Variants in HPSE2 observed in about 807,000 individuals in gnomAD.
HPSE2 encodes inactive heparanase-2.
A neutral mutation model predicts 60.5 loss-of-function variants in HPSE2; 38 were observed. The ratio of observed to expected loss-of-function variants is 0.63; its 90% CI spans 0.48 to 0.82. The LOEUF (loss-of-function observed/expected upper bound fraction) is 0.82. HPSE2 is among the 40% of genes least tolerant of loss of function. The pLI is 0.00. For synonymous variants in HPSE2, 295 were observed against 293.2 expected, an observed-to-expected ratio of 1.01 and a Z score of -0.06; for missense variants, 713 against 740.4, an observed-to-expected ratio of 0.96 and a Z score of 0.43.
intron 11 of HPSE2, among the ~76,000 whole-genome samples, chr10:98,466,423 T>TC (rs1200122115): frequency 6.6e-6 from 1 of 151,812 alleles, no homozygotes; most frequent in Non-Finnish European, 1.5e-5. Context: ...ACCAGCCTGG[T>TC]CAACATGGTG....
chr10:99,210,090 C>G (rs1848905524), intron 2 of HPSE2, among the ~76,000 whole-genome samples: 1 of 152,096 alleles, frequency 6.6e-6, no homozygotes. Context: ...AAACAGGAGG[C>G]ATTACAACTT....
At chr10:99,078,355 T>G (rs974786713) in intron 3 of HPSE2, among the ~76,000 whole-genome samples, 4 of 152,156 alleles carry the variant, frequency 2.6e-5, no homozygotes, top group Admixed American at 6.5e-5. Flanking sequence ...CCATGGATGC[T>G]CAAGTCTCTA....
In HPSE2 at chr10:99,174,500, C is replaced by G. The variant is rs563040860; in HGVS notation, c.449-30101G>C. ...TATGGTGATGACCATTATTCTGTGC[C>G]CTATCCTGCAAAGTTAATAAAGGTA... is the stretch of plus-strand genomic sequence containing the variant. On this transcript the variant is annotated intron_variant, in intron 2 of 11. Coordinates refer to ENST00000370552, the MANE Select transcript of HPSE2 (RefSeq NM_021828.5). 6.6e-5 allele frequency among the ~76,000 whole-genome samples: 10 copies of G among 152,212 alleles called. No individual in the cohort carries two copies. The South Asian group carries it at 2.1e-3, about 32-fold the overall frequency.
intron 3 of HPSE2, among the ~76,000 whole-genome samples, chr10:98,800,940 C>T (rs1028490981): frequency 6.6e-6 from 1 of 152,092 alleles, no homozygotes; most frequent in African/African-American, 2.4e-5. Context: ...AACTACAGGC[C>T]AATATCTCTG....
At chr10:98,718,368 T>C (rs1483285807) in intron 5 of HPSE2, among the ~76,000 whole-genome samples, 1 of 152,172 alleles carries the variant, frequency 6.6e-6, no homozygotes, top group Non-Finnish European at 1.5e-5. Context: ...ATATCCTAAC[T>C]GGAAAGACAG....
At chr10:98,924,891 G>GA (rs1371019552) in intron 3 of HPSE2, among the ~76,000 whole-genome samples, 1 of 152,174 alleles carries the variant, frequency 6.6e-6, no homozygotes, top group Non-Finnish European at 1.5e-5. Context: ...CTCAAGTTTG[G>GA]ACCACTGGGA....
intron 9 of HPSE2, among the ~76,000 whole-genome samples, chr10:98,593,126 G>C (rs1295364738): frequency 6.6e-6 from 1 of 152,066 alleles, no homozygotes; most frequent in Admixed American, 6.6e-5. Context: ...CCTTCAATTT[G>C]CTCATTGTTT....
At chr10:99,013,520 G>A in intron 3 of HPSE2, 1 of 322,482 alleles carries the variant, frequency 3.1e-6, no homozygotes. Context: ...CACCCAGGCT[G>A]GAGTGTACTG....
intron 3 of HPSE2, among the ~76,000 whole-genome samples, chr10:98,906,011 T>C (rs2134999496): frequency 6.6e-6 from 1 of 152,258 alleles, no homozygotes; most frequent in Non-Finnish European, 1.5e-5. Flanking sequence ...TGTCCTTAGC[T>C]GAAAAGAGTC....
At chr10:99,120,614 C>T (rs1253914647) in intron 3 of HPSE2, among the ~76,000 whole-genome samples, 1 of 152,116 alleles carries the variant, frequency 6.6e-6, no homozygotes, top group African/African-American at 2.4e-5. Flanking sequence ...GCTGGGATTA[C>T]AGGCATGTGC....
At chr10:99,167,253 C>T (rs1172385743) in intron 2 of HPSE2, among the ~76,000 whole-genome samples, 1 of 152,104 alleles carries the variant, frequency 6.6e-6, no homozygotes, top group Non-Finnish European at 1.5e-5. Context: ...TCAAGTAATC[C>T]ACCCACCTGC....
At chr10:98,773,583 A>G (rs1950283674) in intron 3 of HPSE2, among the ~76,000 whole-genome samples, 4 of 152,230 alleles carry the variant, frequency 2.6e-5, no homozygotes, top group Admixed American at 1.3e-4. Context: ...TTAAAAACGT[A>G]TATATGCTTT....
intron 3 of HPSE2, among the ~76,000 whole-genome samples, chr10:98,795,394 T>C (rs546488877): frequency 6.6e-6 from 1 of 152,240 alleles, no homozygotes; most frequent in South Asian, 2.1e-4. Context: ...ATGGGGGACT[T>C]TACATTGAAC....
At chr10:98,552,711 G>A (rs1210570721) in intron 9 of HPSE2, among the ~76,000 whole-genome samples, 1 of 152,116 alleles carries the variant, frequency 6.6e-6, no homozygotes, top group African/African-American at 2.4e-5. Context: ...ACATGTCATT[G>A]TTTAATTATC....
Position 99,184,815 on chromosome 10 carries a change from TATATAGAGAG to T in HPSE2, c.449-40426_449-40417del, listed in dbSNP as rs1405486964. Among the ~76,000 whole-genome samples the T allele has an allele frequency of 8.6e-3, 246 of 28,548 alleles. 1 individual carries two copies. The highest frequency in any genetic ancestry group is 0.021 in the African/African-American group (232 of 10,792). 18.7% of individuals were successfully genotyped at this position (28,548 alleles called of 152,430 possible). ...ATATATATATATATATATATATATA[TATATAGAGAG>T]AGAGAGAGAGAGAGAGAGAGAGAGA... is the stretch of plus-strand genomic sequence containing the variant. On this transcript the variant is annotated intron_variant, in intron 2 of 11. Coordinates refer to ENST00000370552, the MANE Select transcript of HPSE2 (RefSeq NM_021828.5).
intron 3 of HPSE2, among the ~76,000 whole-genome samples, chr10:98,771,370 A>C (rs1452551385): frequency 6.6e-6 from 1 of 152,154 alleles, no homozygotes; most frequent in Non-Finnish European, 1.5e-5. Context: ...ATTGGAGCTG[A>C]AGACCTCCCT....
intron 5 of HPSE2, among the ~76,000 whole-genome samples, chr10:98,718,598 AT>A (rs1948846916): frequency 6.6e-6 from 1 of 152,206 alleles, no homozygotes; most frequent in Admixed American, 6.6e-5. Flanking sequence ...ATGGAATACT[AT>A]TCAGCCATAA....
intron 3 of HPSE2, among the ~76,000 whole-genome samples, chr10:98,960,714 T>TA (rs1564692585): frequency 1.9e-5 from 1 of 53,212 alleles, no homozygotes; most frequent in African/African-American, 9.0e-5. Flanking sequence ...TTTTTTTTTT[T>TA]TTTTTTGTTT....
intron 2 of HPSE2, among the ~76,000 whole-genome samples, chr10:99,201,145 T>C (rs1045850390): frequency 1.9e-5 from 2 of 107,820 alleles, no homozygotes; most frequent in Non-Finnish European, 4.6e-5. Context: ...TTGATCCCAG[T>C]ACATTTTCCA....
Sources: gnomAD v4.1 joint callset for allele counts (sites outside exome capture counted in the v4.1 genomes callset) on GRCh38, gnomAD v4.1.1 for gene constraint, MANE v1.5 for transcripts, NCBI Gene and HGNC (gene_info 2026-07-23, HGNC 2026-07-21) for gene names.